RYR2: variants seen among roughly 807,000 people sequenced by gnomAD.
The protein encoded by RYR2 is cardiac muscle ryanodine receptor-calcium release channel.
Under a neutral mutation model 601.1 loss-of-function variants are expected in RYR2, and 227 were observed. That is an observed-to-expected ratio of 0.38 (90% confidence interval 0.34 to 0.42). The LOEUF is 0.42. Among genes scored for constraint, RYR2 ranks in the 10% least tolerant of loss-of-function variants. RYR2 has a pLI of 1.00. For missense variants in RYR2, 4,646 were observed against 6,156.5 expected, an observed-to-expected ratio of 0.75 and a Z score of 8.21; for synonymous variants, 2,223 against 2,175.1, an observed-to-expected ratio of 1.02 and a Z score of -0.61.
chr1:237,421,990 G>A (rs1372109054), intron 11 of RYR2, among the ~76,000 whole-genome samples: 1 of 151,836 alleles, frequency 6.6e-6, no homozygotes, highest in African/African-American at 2.4e-5. Context: ...CTACTCATTC[G>A]TTTTTAGTTT....
chr1:237,535,269 A>AG (rs1215865938), intron 25 of RYR2, among the ~76,000 whole-genome samples: 1 of 151,998 alleles, frequency 6.6e-6, no homozygotes, highest in Admixed American at 6.6e-5. Flanking sequence ...CCTACTAAGC[A>AG]GGGGAAAAAG....
chr1:237,258,586 G>A (rs1266265990), intron 1 of RYR2, among the ~76,000 whole-genome samples: 1 of 152,184 alleles, frequency 6.6e-6, no homozygotes, highest in East Asian at 1.9e-4. Flanking sequence ...ATTCTTTTAT[G>A]TACCTCTTGG....
At chr1:237,433,239 A>G (rs1256323813) in intron 12 of RYR2, among the ~76,000 whole-genome samples, 3 of 152,120 alleles carry the variant, frequency 2.0e-5, no homozygotes, top group African/African-American at 7.2e-5. Context: ...AAAATAAGTT[A>G]CAAAGCACAA....
At position 237,803,491 on chromosome 1, in the gene RYR2, G is replaced by A. The variant is rs373216153; in HGVS notation, c.14151+1575G>A. Among the ~76,000 whole-genome samples the A allele has an allele frequency of 6.4e-4, 97 of 152,022 alleles. 1 individual carries two copies. The highest frequency in any genetic ancestry group is 1.9e-3 in the South Asian group (9 of 4,816). On this transcript the variant is annotated intron_variant, in intron 98 of 104. Coordinates refer to ENST00000366574, the MANE Select transcript of RYR2 (RefSeq NM_001035.3). The stretch of plus-strand genomic sequence containing the variant: ...AATTTTTTGTACTTTTAGTAGAGAC[G>A]GGGTTTCACCATGTTAGCCAGGATG...
intron 102 of RYR2, among the ~76,000 whole-genome samples, chr1:237,829,611 C>T (rs1388671421): frequency 3.9e-5 from 6 of 152,142 alleles, no homozygotes; most frequent in Admixed American, 6.5e-5. Context: ...AAGACCTGAT[C>T]GATTGTTCTC....
intron 1 of RYR2, among the ~76,000 whole-genome samples, chr1:237,178,901 G>A (rs1477000026): frequency 6.6e-6 from 1 of 152,092 alleles, no homozygotes; most frequent in African/African-American, 2.4e-5. Context: ...TGTGGTGTGA[G>A]ATAGATATAT....
chr1:237,359,736 C>A (rs1447020036), intron 4 of RYR2, among the ~76,000 whole-genome samples: 1 of 152,142 alleles, frequency 6.6e-6, no homozygotes, highest in Non-Finnish European at 1.5e-5. Flanking sequence ...AGCTGTGCAT[C>A]TGTTTAATCA....
At position 237,728,395 on chromosome 1, in the gene RYR2, A is replaced by G. The variant is rs141154037; in HGVS notation, c.10838+1196A>G. ...TAGAATATTAACCTTAATATCTAGA[A>G]CCAGAAATACCATTTAACCCAGCAA... On this transcript the variant is annotated intron_variant, in intron 76 of 104. Coordinates refer to ENST00000366574, the MANE Select transcript of RYR2 (RefSeq NM_001035.3). 2.8e-4 allele frequency among the ~76,000 whole-genome samples: 42 copies of G among 152,246 alleles called. 2 individuals carry two copies. In the East Asian group the frequency reaches 7.4e-3, roughly 27 times the overall value.
intron 2 of RYR2, among the ~76,000 whole-genome samples, chr1:237,296,650 C>T (rs774301622): frequency 2.0e-5 from 3 of 152,086 alleles, no homozygotes; most frequent in South Asian, 2.1e-4. Flanking sequence ...TCTAAGGAGA[C>T]GTCAGGGCTG....
At chr1:237,196,880 C>T (rs268789) in intron 1 of RYR2, among the ~76,000 whole-genome samples, 144,251 of 152,232 alleles carry the variant, frequency 0.95, 68,639 homozygotes, top group Non-Finnish European at 0.99. Flanking sequence ...TTTATAATAT[C>T]GAGCCTTTCT....
intron 5 of RYR2, among the ~76,000 whole-genome samples, chr1:237,365,937 C>G (rs767207662): frequency 5.9e-5 from 9 of 152,182 alleles, no homozygotes; most frequent in Admixed American, 4.6e-4. Context: ...CTTTTAACTT[C>G]GAGGCCAGAA....
chr1:237,574,621 T>C (rs1673042332), intron 29 of RYR2, among the ~76,000 whole-genome samples: 1 of 152,186 alleles, frequency 6.6e-6, no homozygotes, highest in Admixed American at 6.5e-5. Context: ...TAAATTTTCC[T>C]GCTGGACTTG....
At chr1:237,533,370 A>G (rs1215400820) in intron 25 of RYR2, among the ~76,000 whole-genome samples, 1 of 152,184 alleles carries the variant, frequency 6.6e-6, no homozygotes, top group African/African-American at 2.4e-5. Context: ...GTAAAATTGA[A>G]CATTTGCACG....
At chr1:237,553,234 G>T (rs995575241) in intron 27 of RYR2, among the ~76,000 whole-genome samples, 8 of 151,998 alleles carry the variant, frequency 5.3e-5, no homozygotes, top group African/African-American at 1.9e-4. Flanking sequence ...TCTAAAGTGA[G>T]TTAGCTTTTG....
chr1:237,589,677 C>T (rs930638038), intron 29 of RYR2, 116 bp from the exon 30 acceptor site: 4 of 871,128 alleles, frequency 4.6e-6, no homozygotes, highest in Non-Finnish European at 7.1e-6. Context: ...CTACTTTTTT[C>T]ACCCTAGGGT....
At chr1:237,359,737 T>G (rs1699615961) in intron 4 of RYR2, among the ~76,000 whole-genome samples, 1 of 152,208 alleles carries the variant, frequency 6.6e-6, no homozygotes, top group Non-Finnish European at 1.5e-5. Flanking sequence ...GCTGTGCATC[T>G]GTTTAATCAC....
At chr1:237,134,441 A>T (rs1672533159) in intron 1 of RYR2, among the ~76,000 whole-genome samples, 1 of 152,166 alleles carries the variant, frequency 6.6e-6, no homozygotes, top group Non-Finnish European at 1.5e-5. Flanking sequence ...CTTATATGGC[A>T]GCAGGCAAGA....
At chr1:237,225,162 C>T (rs1684226282) in intron 1 of RYR2, among the ~76,000 whole-genome samples, 1 of 152,052 alleles carries the variant, frequency 6.6e-6, no homozygotes, top group African/African-American at 2.4e-5. Context: ...CATTTTCTTA[C>T]CTGGGTTCTG....
chr1:237,773,217 A>G (rs1694407627), intron 86 of RYR2, among the ~76,000 whole-genome samples: 1 of 152,190 alleles, frequency 6.6e-6, no homozygotes, highest in South Asian at 2.1e-4. Flanking sequence ...CTCATGCATA[A>G]ATATGCTCCA....
Sources: allele counts gnomAD v4.1 joint callset (sites outside exome capture counted in the v4.1 genomes callset), GRCh38; gene constraint gnomAD v4.1.1; transcripts MANE v1.5; gene names NCBI Gene and HGNC (gene_info 2026-07-23, HGNC 2026-07-21).